SHOC1: variants seen among roughly 807,000 people sequenced by gnomAD.
SHOC1 encodes protein shortage in chiasmata 1 ortholog.
Under a neutral mutation model 179.2 loss-of-function variants are expected in SHOC1, and 136 were observed. That is an observed-to-expected ratio of 0.76 (90% confidence interval 0.66 to 0.87). SHOC1 has a LOEUF of 0.87. Among genes scored for constraint, SHOC1 ranks in the 40% least tolerant of loss-of-function variants. SHOC1 has a pLI of 0.00. For missense variants in SHOC1, 1,538 were observed against 1,700.8 expected (o/e 0.90, Z 1.68); for synonymous variants, 489 against 586.6 (o/e 0.83, Z 2.41).
At chr9:111,705,056 T>C (rs1265128443) in intron 21 of SHOC1, among the ~76,000 whole-genome samples, 191 bp downstream of exon 21, 1 of 151,970 alleles carries the variant, frequency 6.6e-6, no homozygotes, top group African/African-American at 2.4e-5. Flanking sequence ...GAAAGAAGTA[T>C]ACATTGATAT....
At chr9:111,690,770 G>A (rs905532185) in intron 27 of SHOC1, among the ~76,000 whole-genome samples, 3 of 152,148 alleles carry the variant, frequency 2.0e-5, no homozygotes, top group Non-Finnish European at 4.4e-5. Flanking sequence ...AAGTCCTGTA[G>A]CTTATACAAT....
chr9:111,749,077 T>G (rs1369368526), intron 8 of SHOC1, among the ~76,000 whole-genome samples: 2 of 150,736 alleles, frequency 1.3e-5, no homozygotes, highest in Non-Finnish European at 3.0e-5. Flanking sequence ...ATTTTTTACC[T>G]TTTGGCTTTT....
rs758788619 is a variant in SHOC1, at chr9:111,700,060, A to T, written c.3090-13T>A. ...TGTAAGCAGATACCTACAAAGAATTATATTACTATATTTCTATTCATTTGA... is the reference window on the plus strand; with the variant it reads ...TGTAAGCAGATACCTACAAAGAATTTTATTACTATATTTCTATTCATTTGA... On this transcript the variant is annotated splice_polypyrimidine_tract_variant and intron_variant, in intron 23 of 27. Transcript: ENST00000682961. 43 of 1,245,992 alleles carry T rather than the reference A, an allele frequency of 3.5e-5. No homozygotes were observed. Among genetic ancestry groups the T allele is most frequent in the Non-Finnish European group, 4.9e-5 (42 of 861,662 alleles). 77.2% of individuals were successfully genotyped at this position (1,245,992 alleles called of 1,614,324 possible). A position where few individuals can be genotyped will look rare whatever the true frequency, so the allele number is the denominator to read the frequency against.
intron 5 of SHOC1, 35 bp downstream of exon 5, chr9:111,775,756 A>G (rs1835806233): frequency 6.4e-7 from 1 of 1,551,918 alleles, no homozygotes; most frequent in Admixed American, 2.1e-5. Flanking sequence ...TATCAGTAAG[A>G]AATGTTTTAC....
intron 12 of SHOC1, among the ~76,000 whole-genome samples, chr9:111,735,214 T>A (rs1833762821): frequency 6.6e-6 from 1 of 152,146 alleles, no homozygotes; most frequent in African/African-American, 2.4e-5. Flanking sequence ...CTTTAAGTTC[T>A]GGGACACATG....
intron 19 of SHOC1, among the ~76,000 whole-genome samples, chr9:111,707,335 C>T (rs187452306): frequency 6.6e-5 from 10 of 151,992 alleles, no homozygotes; most frequent in Admixed American, 2.0e-4. Flanking sequence ...TACCTATGTC[C>T]AGTTTTTATG....
At chr9:111,726,098 C>T (rs1317354091) in intron 13 of SHOC1, among the ~76,000 whole-genome samples, 3 of 151,982 alleles carry the variant, frequency 2.0e-5, no homozygotes, top group East Asian at 1.9e-4. Context: ...TTATATTTTG[C>T]TTATTTTTAT....
intron 3 of SHOC1, among the ~76,000 whole-genome samples, chr9:111,781,744 A>ATAAATAAATAAATAAG (rs1836060367): frequency 6.6e-6 from 1 of 151,128 alleles, no homozygotes; most frequent in South Asian, 2.1e-4. Flanking sequence ...AAATAAATAA[A>ATAAATAAATAAATAAG]TAAATAAATT....
chr9:111,728,283 A>T (rs1833401150), intron 12 of SHOC1, among the ~76,000 whole-genome samples: 3 of 152,184 alleles, frequency 2.0e-5, no homozygotes, highest in Non-Finnish European at 2.9e-5. Flanking sequence ...AGCAAAGAAG[A>T]CATTCCAGTA....
rs146639688 is a variant in SHOC1, at chr9:111,778,076, G to A, written c.258-2101C>T. ...GCAATAATTGGTACTACAGTTTTGA[G>A]ACTACCTAGTCAATTTTCTTTCTGT... On this transcript the variant is annotated intron_variant, in intron 4 of 27. Coordinates refer to ENST00000682961, the MANE Select transcript of SHOC1 (RefSeq NM_001378211.1). 2.6e-5 allele frequency among the ~76,000 whole-genome samples: 4 copies of A among 152,254 alleles called. No homozygotes were observed. The East Asian group carries it at 7.7e-4, about 29-fold the overall frequency.
intron 5 of SHOC1, among the ~76,000 whole-genome samples, chr9:111,762,291 A>G (rs1278698932): frequency 1.3e-5 from 2 of 149,660 alleles, no homozygotes; most frequent in Admixed American, 1.3e-4. Flanking sequence ...TTAGTCAGGC[A>G]TGGTGGCACA....
At chr9:111,689,348 A>ATT (rs1554707164) in intron 27 of SHOC1, among the ~76,000 whole-genome samples, 14,802 of 146,390 alleles carry the variant, frequency 0.1, 2,005 homozygotes, top group African/African-American at 0.31. Context: ...TAATAATAAT[A>ATT]ATTATTATTA....
intron 12 of SHOC1, among the ~76,000 whole-genome samples, chr9:111,735,259 C>T (rs534581591): frequency 8.6e-5 from 13 of 151,810 alleles, no homozygotes; most frequent in African/African-American, 3.1e-4. Context: ...TAGGTATATA[C>T]ATGTTATGGT....
At chr9:111,718,965 T>C in intron 15 of SHOC1, among the ~76,000 whole-genome samples, 1 of 152,174 alleles carries the variant, frequency 6.6e-6, no homozygotes, top group East Asian at 1.9e-4. Flanking sequence ...TTTTCATATA[T>C]TGAGATCTCA....
intron 27 of SHOC1, 68 bp from the exon 28 acceptor site, chr9:111,686,938 C>CATT: frequency 2.8e-6 from 2 of 725,410 alleles, no homozygotes; most frequent in Non-Finnish European, 2.0e-6. Flanking sequence ...TTTTTCTTTT[C>CATT]CTTTTTTTTT....
intron 13 of SHOC1, 63 bp from the exon 14 acceptor site, chr9:111,723,974 CTTAAT>C (rs1833186441): frequency 8.0e-7 from 1 of 1,251,470 alleles, no homozygotes; most frequent in African/African-American, 1.5e-5. Context: ...GTTGTTTTAC[CTTAAT>C]TTTTTTTCTA....
chr9:111,704,015 G>C lies in SHOC1; in HGVS notation c.2856-23C>G, dbSNP rs567820206. The C allele has an allele frequency of 8.0e-6, 10 of 1,256,410 alleles. No individual in the cohort carries two copies. The South Asian group carries it at 1.4e-4, about 17-fold the overall frequency. The allele number at this position is 1,256,410 out of a possible 1,614,324, so 77.8% of individuals were successfully genotyped here. A position where few individuals can be genotyped will look rare whatever the true frequency, so the allele number is the denominator to read the frequency against. On this transcript the variant is annotated intron_variant, in intron 21 of 27. Coordinates refer to ENST00000682961, the MANE Select transcript of SHOC1 (RefSeq NM_001378211.1). ...TAGCTGTAAAATACAATATTCTTGAGTGAAAAAATGAAATGCTAATAAAAT... is the reference window on the plus strand; with the variant it reads ...TAGCTGTAAAATACAATATTCTTGACTGAAAAAATGAAATGCTAATAAAAT...
chr9:111,728,163 G>T lies in SHOC1; in HGVS notation c.1418-114C>A, dbSNP rs1833395529. 4 of 748,586 alleles carry T rather than the reference G, an allele frequency of 5.3e-6. No homozygotes were observed. In the South Asian group the frequency reaches 1.0e-4, roughly 19 times the overall value. 46.4% of individuals were successfully genotyped at this position (748,586 alleles called of 1,614,324 possible). On this transcript the variant is annotated intron_variant, in intron 12 of 27. Transcript: ENST00000682961. ...CTTATTAATGTAATTTGATCTTTAT[G>T]AGCACTTTGTTTACTGCTTTGAAAA...
chr9:111,755,480 T>G (rs1332041956), intron 8 of SHOC1, among the ~76,000 whole-genome samples: 1 of 152,174 alleles, frequency 6.6e-6, no homozygotes, highest in African/African-American at 2.4e-5. Flanking sequence ...ATATCTTTGA[T>G]CATTTTAAAT....
Sources: allele counts gnomAD v4.1 joint callset (sites outside exome capture counted in the v4.1 genomes callset), GRCh38; gene constraint gnomAD v4.1.1; transcripts MANE v1.5; gene names NCBI Gene and HGNC (gene_info 2026-07-23, HGNC 2026-07-21).